The following SSH1 variants were observed in gnomAD, a reference collection of about 807,000 sequenced individuals.
The protein encoded by SSH1 is protein phosphatase Slingshot homolog 1.
A neutral mutation model predicts 79.7 loss-of-function variants in SSH1; 43 were observed. The observed-to-expected ratio is 0.54, with a 90% CI of 0.42 to 0.70. SSH1 has a LOEUF of 0.70. SSH1 is among the 30% of genes least tolerant of loss of function. The probability of loss-of-function intolerance (pLI) is 0.00; values close to 1 mark genes in which losing one functional copy is unlikely to be tolerated. For synonymous variants in SSH1, 599 were observed against 538.3 expected (o/e 1.11, Z -1.56); for missense variants, 1,206 against 1,358.8 (o/e 0.89, Z 1.77).
At chr12:108,846,589 C>T (rs527759373) in intron 2 of SSH1, among the ~76,000 whole-genome samples, 1 of 152,364 alleles carries the variant, frequency 6.6e-6, no homozygotes, top group Admixed American at 6.5e-5. Flanking sequence ...CATCTGCATG[C>T]TGGGTGTGAG....
At chr12:108,815,942 T>G (rs576360365) in intron 5 of SSH1, among the ~76,000 whole-genome samples, 14 of 152,218 alleles carry the variant, frequency 9.2e-5, no homozygotes, top group Admixed American at 9.2e-4. Flanking sequence ...GAAGCTCTCA[T>G]GGGAACAAGA....
At chr12:108,821,210 C>T (rs1195701648) in intron 3 of SSH1, among the ~76,000 whole-genome samples, 1 of 112,520 alleles carries the variant, frequency 8.9e-6, no homozygotes, top group African/African-American at 3.7e-5. Flanking sequence ...TGAGTGAGAC[C>T]TCATCTACAC....
intron 3 of SSH1, among the ~76,000 whole-genome samples, chr12:108,822,508 G>A (rs547594901): frequency 1.7e-4 from 26 of 151,008 alleles, no homozygotes; most frequent in African/African-American, 5.4e-4. Flanking sequence ...GTGCAGTGGC[G>A]TGATCCTAGC....
At position 108,800,832 on chromosome 12, in the gene SSH1, T is replaced by C. The variant is rs1172634389; in HGVS notation, c.1096A>G (p.Thr366Ala). ...TCATTCCAGTGGGCGAGGAGGTCTG[T>C]GGTCTCTTCATCGTAGACTCGGATG... ...HNIRVYDEET[T>A]DLLAHWNEAY... Residue 366 changes from threonine to alanine, a missense_variant, in exon 12 of 15, where the codon ACA becomes GCA. Around this residue, in one of 5 missense-constraint regions of SSH1, gnomAD observed 166 missense variants for 262.9 expected, o/e 0.63. Transcript: ENST00000326495. The C allele has an allele frequency of 1.9e-6, 3 of 1,614,184 alleles. No homozygotes were observed. Among genetic ancestry groups the C allele is most frequent in the South Asian group, 1.1e-5 (1 of 91,082 alleles).
rs749170451 is a variant in SSH1 at position 108,788,999 on chromosome 12, C to T, written c.2139G>A (p.Pro713=). ...KPASGPTEPP[P]FLPPAGSRRA... The stretch of plus-strand genomic sequence containing the variant: ...TCCTGGAGCCTGCTGGTGGTAGGAA[C>T]GGGGGAGGTTCGGTTGGGCCAGAGG... The change falls in exon 15 of 15, where the codon CCG becomes CCA. Residue 713 remains proline, a synonymous_variant. Coordinates refer to ENST00000326495, the MANE Select transcript of SSH1 (RefSeq NM_018984.4). 11 of 1,609,814 alleles carry T rather than the reference C, an allele frequency of 6.8e-6. 1 individual carries two copies. Among genetic ancestry groups the T allele is most frequent in the South Asian group, 2.2e-5 (2 of 90,886 alleles).
intron 3 of SSH1, among the ~76,000 whole-genome samples, chr12:108,822,451 G>A (rs2038158494): frequency 1.3e-5 from 2 of 148,666 alleles, no homozygotes; most frequent in Admixed American, 6.7e-5. Context: ...GTGTTTTGTT[G>A]TTATTGTTTT....
chr12:108,791,360 G>A (rs1177846382), intron 14 of SSH1, among the ~76,000 whole-genome samples: 3 of 152,044 alleles, frequency 2.0e-5, no homozygotes, highest in African/African-American at 2.4e-5. Context: ...TGCCTGCCTC[G>A]GCTTCCCAAA....
chr12:108,857,412 C>T lies in SSH1; in HGVS notation c.69+16G>A. 9.6e-7 allele frequency: 1 copy of T among 1,036,364 alleles called. No individual in the cohort carries two copies. The allele number at this position is 1,036,364 out of a possible 1,614,324, so 64.2% of individuals were successfully genotyped here. On this transcript the variant is annotated intron_variant, in intron 1 of 14. Transcript: ENST00000326495. This position sits in a 1 kb window ranked among gnomAD's most constrained non-coding sequence, Gnocchi z 4.7. ...GTCCGGCGGCCCAGGCCGGGCGCGG[C>T]GAGCCCGGGGCTCACCTCGCTGTTG...
At position 108,802,315 on chromosome 12, in the gene SSH1, G is replaced by T; in HGVS notation, c.1001+7C>A. 1 of 1,613,416 alleles carries T rather than the reference G, an allele frequency of 6.2e-7. No homozygotes were observed. Among genetic ancestry groups the T allele is most frequent in the South Asian group, 1.1e-5 (1 of 91,030 alleles). ...AGGACAGGGAAAGACAAGGGGAGGA[G>T]ACTCACCCTGAGCCCTGCAGTTCCT... is the stretch of plus-strand genomic sequence containing the variant. On this transcript the variant is annotated splice_region_variant and intron_variant, in intron 11 of 14. Transcript: ENST00000326495.
rs776676133 is a variant in SSH1, at chr12:108,788,593, T to G, written c.2545A>C (p.Ser849Arg). 1 of 1,605,274 alleles carries G rather than the reference T, an allele frequency of 6.2e-7. No individual in the cohort carries two copies. The highest frequency in any genetic ancestry group is 1.1e-5 in the South Asian group (1 of 90,658). The change falls in exon 15 of 15, where the codon AGC becomes CGC. Residue 849 changes from serine (S) to arginine (R), a missense_variant. Ser to Arg is a moderately radical substitution (Grantham distance 110, BLOSUM62 -1). Transcript: ENST00000326495. ...TCGGGGATGCTGGCCTCCAGCCTGC[T>G]GGCAGGGCCATCCCTGGAGGGAGGT... ...PAPPSRDGPA[S>R]RLEASIPEES...
chr12:108,788,701 T>C lies in SSH1; in HGVS notation c.2437A>G (p.Ile813Val), dbSNP rs767688434. 1.1e-5 allele frequency: 17 copies of C among 1,614,250 alleles called. No individual in the cohort carries two copies. Among genetic ancestry groups the C allele is most frequent in the Middle Eastern group, 3.3e-4 (2 of 6,062 alleles). Residue 813 changes from isoleucine to valine, a missense_variant, in exon 15 of 15, where the codon ATC becomes GTC. By Grantham distance (29) the Ile-to-Val change is conservative. Transcript: ENST00000326495. Reference sequence around the variant, plus strand: ...AAGCCTGCCTTCTGCAGCTGAATGATGGACTCCTGGTGCTGCATCAGGTAG... The same window carrying C: ...AAGCCTGCCTTCTGCAGCTGAATGACGGACTCCTGGTGCTGCATCAGGTAG... ...NSYLMQHQES[I>V]IQLQKAGLVR...
chr12:108,853,065 T>C (rs2039076635), intron 1 of SSH1: 1 of 985,218 alleles, frequency 1.0e-6, no homozygotes, highest in African/African-American at 1.7e-5. Context: ...GAGAATCCAC[T>C]TCCTCCGCAG....
chr12:108,797,171 G>A (rs892082627), intron 13 of SSH1, among the ~76,000 whole-genome samples: 1 of 152,158 alleles, frequency 6.6e-6, no homozygotes, highest in Non-Finnish European at 1.5e-5. Flanking sequence ...CTGTCACCCA[G>A]ACTGGAGTGC....
intron 11 of SSH1, among the ~76,000 whole-genome samples, chr12:108,801,300 A>T (rs1311491307): frequency 6.6e-6 from 1 of 152,268 alleles, no homozygotes; most frequent in African/African-American, 2.4e-5. Flanking sequence ...AGAGCTAAAA[A>T]GCAGACTATA....
At chr12:108,849,250 T>C (rs1233800166) in intron 2 of SSH1, among the ~76,000 whole-genome samples, 1 of 152,158 alleles carries the variant, frequency 6.6e-6, no homozygotes, top group Non-Finnish European at 1.5e-5. Context: ...AAGGGACCTT[T>C]TATTAGCAAG....
intron 14 of SSH1, among the ~76,000 whole-genome samples, chr12:108,790,487 TTGGTCATGC>T (rs1191240014): frequency 6.6e-6 from 1 of 152,208 alleles, no homozygotes; most frequent in Non-Finnish European, 1.5e-5. Context: ...TTTCACCATG[TTGGTCATGC>T]TGGTCTCAAA....
At position 108,781,169 on chromosome 12, in the gene SSH1, A is replaced by T. The variant is rs1212444110; in HGVS notation, c.*6819T>A. On this transcript the variant is annotated 3_prime_UTR_variant, in exon 15 of 15. Coordinates refer to ENST00000326495, the MANE Select transcript of SSH1 (RefSeq NM_018984.4). ...CACAGTGGCTCATGCCTATAATCTC[A>T]ACACTTTGGGAGGCTGAGGCAGGAG... 1 of 152,232 alleles carries T rather than the reference A, an allele frequency of 6.6e-6. No individual in the cohort carries two copies. The highest frequency in any genetic ancestry group is 1.5e-5 in the Non-Finnish European group (1 of 68,068). The allele number at this position is 152,232 out of a possible 1,614,324, so 9.4% of individuals were successfully genotyped here.
rs1397920686 is a variant in SSH1 at position 108,807,862 on chromosome 12, A to G, written c.537-35T>C. On this transcript the variant is annotated intron_variant, in intron 7 of 14. Transcript: ENST00000326495. This position sits in a 1 kb window ranked among gnomAD's most constrained non-coding sequence, Gnocchi z 5.2. ...GGAGAAGACAGGGTCAGGCCTGGGAAGGCACAAGAGATGCAGGGTTTTCTC... is the reference window on the plus strand; with the variant it reads ...GGAGAAGACAGGGTCAGGCCTGGGAGGGCACAAGAGATGCAGGGTTTTCTC... The G allele has an allele frequency of 6.2e-7, 1 of 1,605,162 alleles. No individual in the cohort carries two copies. Among genetic ancestry groups the G allele is most frequent in the East Asian group, 2.2e-5 (1 of 44,814 alleles).
intron 14 of SSH1, among the ~76,000 whole-genome samples, chr12:108,789,853 GTC>G (rs1035649620): frequency 1.3e-5 from 2 of 152,114 alleles, no homozygotes; most frequent in Non-Finnish European, 2.9e-5. Context: ...ACAGGGCTCT[GTC>G]TCTCTCTCTT....
Sources: allele counts gnomAD v4.1 joint callset (sites outside exome capture counted in the v4.1 genomes callset), GRCh38; gene constraint gnomAD v4.1.1; regional missense constraint gnomAD v4.1.1; non-coding constraint Gnocchi (gnomAD v3.1); transcripts MANE v1.5; gene names NCBI Gene and HGNC (gene_info 2026-07-23, HGNC 2026-07-21).